The following NTM variants were observed in gnomAD, a reference collection of about 807,000 sequenced individuals.
The protein encoded by NTM is IgLON family member 2.
Under a neutral mutation model 42.1 loss-of-function variants are expected in NTM, and 13 were observed. The observed-to-expected ratio is 0.31, with a 90% CI of 0.20 to 0.49. The LOEUF is 0.49. Among genes scored for constraint, NTM ranks in the 20% least tolerant of loss-of-function variants. The pLI, the probability that NTM is intolerant of heterozygous loss-of-function variation, is 0.99. For missense variants in NTM, 373 were observed against 452.8 expected (o/e 0.82, Z 1.60); for synonymous variants, 187 against 179.2 (o/e 1.04, Z -0.35).
At chr11:131,496,984 G>T (rs1440904252) in intron 1 of NTM, among the ~76,000 whole-genome samples, 2 of 152,144 alleles carry the variant, frequency 1.3e-5, no homozygotes, top group Admixed American at 6.6e-5. Flanking sequence ...GGGAGGTGCT[G>T]TTACTGCATT....
chr11:132,158,590 A>AGGGTCT (rs1265172941), intron 3 of NTM, among the ~76,000 whole-genome samples: 3 of 152,220 alleles, frequency 2.0e-5, no homozygotes, highest in Non-Finnish European at 4.4e-5. Context: ...TGCCTAGAAC[A>AGGGTCT]GGGTCTGGTG....
At chr11:131,538,546 G>C (rs879464552) in intron 1 of NTM, 4 of 152,370 alleles carry the variant, frequency 2.6e-5, no homozygotes, top group Non-Finnish European at 5.9e-5. Context: ...TACTTCCATC[G>C]GTTCAGTTGT....
chr11:131,959,581 A>G (rs1465468883), intron 2 of NTM, among the ~76,000 whole-genome samples: 1 of 152,136 alleles, frequency 6.6e-6, no homozygotes, highest in African/African-American at 2.4e-5. Context: ...GGCTGCAGTG[A>G]GTTGTGGTCA....
intron 1 of NTM, among the ~76,000 whole-genome samples, chr11:131,860,504 C>T (rs543501503): frequency 9.2e-5 from 14 of 152,244 alleles, no homozygotes; most frequent in East Asian, 1.9e-4. Context: ...CTTAACTGGA[C>T]GCTGGTCATA....
intron 1 of NTM, among the ~76,000 whole-genome samples, chr11:131,461,797 T>C (rs1379924761): frequency 6.6e-6 from 1 of 152,200 alleles, no homozygotes; most frequent in Non-Finnish European, 1.5e-5. Context: ...TGTCACATTG[T>C]ACACTTTGAA....
chr11:131,941,602 CTG>C (rs2059800123), intron 2 of NTM, among the ~76,000 whole-genome samples: 1 of 152,172 alleles, frequency 6.6e-6, no homozygotes, highest in Non-Finnish European at 1.5e-5. Flanking sequence ...GTGCAGAACA[CTG>C]TGGAACAAAA....
intron 3 of NTM, among the ~76,000 whole-genome samples, chr11:132,156,346 T>G (rs1368918095): frequency 2.6e-5 from 4 of 152,216 alleles, no homozygotes; most frequent in Non-Finnish European, 5.9e-5. Flanking sequence ...CTTCCTGGAA[T>G]TCTCTTTTGC....
At chr11:132,328,607 GCA>G (rs2095735493) in intron 7 of NTM, among the ~76,000 whole-genome samples, 1 of 152,010 alleles carries the variant, frequency 6.6e-6, no homozygotes, top group Non-Finnish European at 1.5e-5. Flanking sequence ...CCTTCCTCCA[GCA>G]CAGTCTGAAC....
chr11:132,032,716 T>C (rs2076077400), intron 2 of NTM, among the ~76,000 whole-genome samples: 1 of 152,190 alleles, frequency 6.6e-6, no homozygotes, highest in African/African-American at 2.4e-5. Context: ...CATTTACTCA[T>C]ACTTTAAGAT....
At chr11:131,601,488 T>G (rs1010273253) in intron 1 of NTM, among the ~76,000 whole-genome samples, 3 of 152,252 alleles carry the variant, frequency 2.0e-5, no homozygotes, top group African/African-American at 7.2e-5. Context: ...TTAAATCATT[T>G]GTTTTAATGA....
chr11:131,829,652 T>A (rs908026567), intron 1 of NTM, among the ~76,000 whole-genome samples: 2 of 152,198 alleles, frequency 1.3e-5, no homozygotes, highest in African/African-American at 4.8e-5. Context: ...AATATATGTG[T>A]GAATGCAACT....
At chr11:131,789,461 AAG>A (rs1491204629) in intron 1 of NTM, among the ~76,000 whole-genome samples, 1 of 13,794 alleles carries the variant, frequency 7.2e-5, no homozygotes, top group East Asian at 1.5e-3. Flanking sequence ...GAAGAAGAAG[AAG>A]AAGAAGAAGA....
chr11:132,123,785 C>G (rs1458332122), intron 2 of NTM, among the ~76,000 whole-genome samples: 1 of 152,148 alleles, frequency 6.6e-6, no homozygotes, highest in African/African-American at 2.4e-5. Context: ...ATTAGAGAAC[C>G]ACGCATGTGC....
At chr11:131,465,969 C>G (rs560903358) in intron 1 of NTM, among the ~76,000 whole-genome samples, 1 of 152,328 alleles carries the variant, frequency 6.6e-6, no homozygotes, top group Admixed American at 6.5e-5. Context: ...GCCCTTTGAG[C>G]GCCCCTTCAG....
At chr11:132,282,794 A>C (rs1391792346) in intron 4 of NTM, among the ~76,000 whole-genome samples, 5 of 152,102 alleles carry the variant, frequency 3.3e-5, no homozygotes, top group Non-Finnish European at 7.4e-5. Flanking sequence ...TCTTCTTACA[A>C]TCTATGAATG....
intron 1 of NTM, among the ~76,000 whole-genome samples, chr11:131,591,182 G>A (rs1462786400): frequency 4.6e-5 from 7 of 152,170 alleles, no homozygotes; most frequent in South Asian, 2.1e-4. Context: ...AGCCCCCACC[G>A]CAGGGTTCTC....
intron 2 of NTM, among the ~76,000 whole-genome samples, chr11:132,142,507 C>T (rs549585506): frequency 8.5e-5 from 13 of 152,140 alleles, no homozygotes; most frequent in African/African-American, 2.4e-4. Context: ...TTTTTTTAAC[C>T]GAGGAGCGAT....
At chr11:132,074,437 A>G (rs1042941488) in intron 2 of NTM, among the ~76,000 whole-genome samples, 2 of 152,228 alleles carry the variant, frequency 1.3e-5, no homozygotes, top group African/African-American at 2.4e-5. Flanking sequence ...AAGATATTTC[A>G]TAAAAAAATG....
At chr11:131,405,806 TC>T (rs1945746214) in intron 1 of NTM, among the ~76,000 whole-genome samples, 1 of 152,190 alleles carries the variant, frequency 6.6e-6, no homozygotes, top group Non-Finnish European at 1.5e-5. Context: ...TACATCCCCA[TC>T]TTCCTCAGTG....
Sources: gnomAD v4.1 joint callset for allele counts (sites outside exome capture counted in the v4.1 genomes callset) on GRCh38, gnomAD v4.1.1 for gene constraint, MANE v1.5 for transcripts, NCBI Gene and HGNC (gene_info 2026-07-23, HGNC 2026-07-21) for gene names.